Variants in TRDN observed in about 807,000 individuals in gnomAD.
The protein encoded by TRDN is triadin in skeletal muscle.
In TRDN, 161 loss-of-function variants were observed where a neutral mutation model predicts 149.7. The ratio of observed to expected loss-of-function variants is 1.08; its 90% CI spans 0.95 to 1.23. The LOEUF is 1.23. Ranked by LOEUF, TRDN falls within the 50% of genes most tolerant of loss-of-function variation. The pLI is 0.00. For synonymous variants in TRDN, 294 were observed against 250.5 expected (o/e 1.17, Z -1.64); for missense variants, 896 against 823.5 (o/e 1.09, Z -1.08).
At chr6:123,319,322 T>G (rs1376254847) in intron 23 of TRDN, among the ~76,000 whole-genome samples, 1 of 151,970 alleles carries the variant, frequency 6.6e-6, no homozygotes, top group Non-Finnish European at 1.5e-5. Context: ...GAGCAGCTCT[T>G]TTATTAGGCT....
chr6:123,440,111 T>A (rs1408364876), intron 10 of TRDN, among the ~76,000 whole-genome samples: 1 of 152,186 alleles, frequency 6.6e-6, no homozygotes, highest in Non-Finnish European at 1.5e-5. Flanking sequence ...ATAGAGGAAT[T>A]AACTCATTCC....
At chr6:123,417,064 A>C (rs1773687556) in intron 12 of TRDN, among the ~76,000 whole-genome samples, 1 of 152,214 alleles carries the variant, frequency 6.6e-6, no homozygotes, top group Admixed American at 6.5e-5. Flanking sequence ...TAAGTGAACA[A>C]ATGAATTAAT....
chr6:123,222,859 T>C (rs1296893070), intron 39 of TRDN, among the ~76,000 whole-genome samples: 1 of 151,642 alleles, frequency 6.6e-6, no homozygotes, highest in Admixed American at 6.6e-5. Context: ...ACTTTTCAAA[T>C]GAAGACATAC....
At chr6:123,280,562 A>C (rs1777544457) in intron 24 of TRDN, among the ~76,000 whole-genome samples, 1 of 151,956 alleles carries the variant, frequency 6.6e-6, no homozygotes, top group Non-Finnish European at 1.5e-5. Flanking sequence ...ATCTACATAT[A>C]GTATCTCTCT....
intron 1 of TRDN, among the ~76,000 whole-genome samples, chr6:123,600,910 C>A (rs2114647916): frequency 6.6e-6 from 1 of 152,066 alleles, no homozygotes; most frequent in South Asian, 2.1e-4. Flanking sequence ...TGGCTGTTAG[C>A]AAATTGTTTT....
At chr6:123,259,821 G>A (rs930296575) in intron 34 of TRDN, among the ~76,000 whole-genome samples, 159 bp from the exon 35 acceptor site, 6 of 151,856 alleles carry the variant, frequency 4.0e-5, no homozygotes, top group African/African-American at 1.4e-4. Context: ...TTCTGTTTAT[G>A]TAGTCACCTA....
At chr6:123,367,715 G>A (rs907048717) in intron 19 of TRDN, among the ~76,000 whole-genome samples, 1 of 152,196 alleles carries the variant, frequency 6.6e-6, no homozygotes, top group Non-Finnish European at 1.5e-5. Context: ...CAGATGCTGA[G>A]CGCAAAAGGT....
chr6:123,572,743 A>G (rs9375267), intron 1 of TRDN, among the ~76,000 whole-genome samples: 72,023 of 151,946 alleles, frequency 0.47, 17,446 homozygotes, highest in East Asian at 0.52. Flanking sequence ...TACAGACCAT[A>G]TTGTCTATAA....
At chr6:123,532,193 A>C (rs1282805766) in intron 4 of TRDN, among the ~76,000 whole-genome samples, 4 of 152,128 alleles carry the variant, frequency 2.6e-5, no homozygotes, top group African/African-American at 9.7e-5. Flanking sequence ...GATTACAAAA[A>C]CTTAGAATAA....
Position 123,571,272 on chromosome 6 carries a change from C to G in TRDN, c.23-140G>C, listed in dbSNP as rs752713787. The stretch of plus-strand genomic sequence containing the variant: ...ACAACTCCTTAGTGGCAGGACAAAG[C>G]CTCCCTGCCCACTAGCACATTATCT... On this transcript the variant is annotated intron_variant, in intron 1 of 40. Transcript: ENST00000334268. 2.8e-4 allele frequency: 221 copies of G among 802,480 alleles called. 1 individual carries two copies. Among genetic ancestry groups the G allele is most frequent in the Non-Finnish European group, 4.1e-4 (211 of 516,382 alleles). 49.7% of individuals were successfully genotyped at this position (802,480 alleles called of 1,614,324 possible). A position where few individuals can be genotyped will look rare whatever the true frequency, so the allele number is the denominator to read the frequency against.
At chr6:123,399,374 C>G (rs191315120) in intron 12 of TRDN, among the ~76,000 whole-genome samples, 1 of 152,162 alleles carries the variant, frequency 6.6e-6, no homozygotes. Context: ...GGGTTGAAGA[C>G]CAAGGTATCA....
chr6:123,591,586 C>G (rs866762926), intron 1 of TRDN, among the ~76,000 whole-genome samples: 3 of 152,170 alleles, frequency 2.0e-5, no homozygotes, highest in Non-Finnish European at 4.4e-5. Flanking sequence ...TAGAACAGAT[C>G]ATGATAGTTT....
At chr6:123,553,956 A>T (rs983934407) in intron 2 of TRDN, among the ~76,000 whole-genome samples, 1 of 152,214 alleles carries the variant, frequency 6.6e-6, no homozygotes, top group Admixed American at 6.5e-5. Context: ...GATAATTATC[A>T]GTTTAATTTT....
intron 20 of TRDN, 94 bp from the exon 21 acceptor site, chr6:123,352,680 C>A: frequency 1.4e-6 from 2 of 1,459,170 alleles, no homozygotes; most frequent in South Asian, 1.4e-5. Context: ...AATGCTAAAT[C>A]TTTCTTTTAC....
chr6:123,531,647 G>A (rs553447705), intron 4 of TRDN, among the ~76,000 whole-genome samples: 4 of 152,110 alleles, frequency 2.6e-5, no homozygotes, highest in African/African-American at 7.2e-5. Context: ...CTTTGAATAT[G>A]GTGATGAAGA....
intron 38 of TRDN, among the ~76,000 whole-genome samples, chr6:123,226,191 G>T (rs536628202): frequency 1.3e-5 from 2 of 151,640 alleles, no homozygotes; most frequent in Non-Finnish European, 2.9e-5. Context: ...AATGACCATG[G>T]TCTTGAACTG....
chr6:123,460,899 T>C (rs1199785352), intron 10 of TRDN, among the ~76,000 whole-genome samples: 1 of 152,186 alleles, frequency 6.6e-6, no homozygotes. Flanking sequence ...CCTTGCCTCA[T>C]TTATATCTCA....
chr6:123,484,741 C>T (rs1777905477), intron 9 of TRDN, among the ~76,000 whole-genome samples: 1 of 152,102 alleles, frequency 6.6e-6, no homozygotes, highest in Admixed American at 6.5e-5. Context: ...GAACCTGCCT[C>T]CTCTTTCGCA....
chr6:123,437,332 C>T (rs920929789), intron 12 of TRDN: 20 of 310,226 alleles, frequency 6.4e-5, no homozygotes, highest in South Asian at 5.3e-4. Context: ...CTTCAGAAAA[C>T]TGGAAAACTT....
Sources: gnomAD v4.1 joint callset for allele counts (sites outside exome capture counted in the v4.1 genomes callset) on GRCh38, gnomAD v4.1.1 for gene constraint, MANE v1.5 for transcripts, NCBI Gene and HGNC (gene_info 2026-07-23, HGNC 2026-07-21) for gene names.